Variants in TLN1 observed in about 807,000 individuals in gnomAD.
TLN1 encodes the protein talin 1.
In TLN1, 56 loss-of-function variants were observed where a neutral mutation model predicts 292.3. The ratio of observed to expected loss-of-function variants is 0.19; its 90% CI spans 0.15 to 0.24. TLN1 has a LOEUF of 0.24. Ranked by LOEUF, TLN1 falls within the 10% of genes least tolerant of loss-of-function variation. The pLI, the probability that TLN1 is intolerant of heterozygous loss-of-function variation, is 1.00. For missense variants in TLN1, 2,433 were observed against 3,248.2 expected (o/e 0.75, Z 6.10); for synonymous variants, 1,119 against 1,253.7 (o/e 0.89, Z 2.27).
intron 19 of TLN1, 118 bp from the exon 20 acceptor site, chr9:35,716,674 AAG>A: frequency 9.1e-7 from 1 of 1,094,270 alleles, no homozygotes; most frequent in Non-Finnish European, 1.3e-6. Flanking sequence ...GGGACAGAAA[AAG>A]AGACTGGCAA....
intron 1 of TLN1, among the ~76,000 whole-genome samples, chr9:35,726,763 T>C (rs1201783983): frequency 9.9e-5 from 15 of 152,246 alleles, no homozygotes; most frequent in Admixed American, 9.8e-4. Flanking sequence ...CAAAGGGATC[T>C]ATCTCAGAAG....
rs200282556 is a variant in TLN1, at chr9:35,717,813, C to A, written c.1996-27G>T. ...TGTGAGAAAACAGCAGTTAGCATGA[C>A]CTGAGATTGGGCTTGGGATTCACAG... On this transcript the variant is annotated intron_variant, in intron 17 of 56. Transcript: ENST00000314888. This position sits in a 1 kb window ranked among gnomAD's most constrained non-coding sequence, Gnocchi z 4.7. 30 of 1,583,362 alleles carry A rather than the reference C, an allele frequency of 1.9e-5. No individual in the cohort carries two copies. Among genetic ancestry groups the A allele is most frequent in the Non-Finnish European group, 2.5e-5 (29 of 1,158,244 alleles).
Position 35,707,999 on chromosome 9 carries a change from C to T in TLN1, c.4471-107G>A. ...GATGGAGAGCAATACCCTGAGGAGT[C>T]AAAACAGGAATAACAGAGTCACCTG... On this transcript the variant is annotated intron_variant, in intron 34 of 56. Transcript: ENST00000314888. The surrounding 1 kb of genome is among the most constrained non-coding windows in gnomAD (Gnocchi z 5.6). 7.6e-7 allele frequency: 1 copy of T among 1,310,428 alleles called. No individual in the cohort carries two copies. The highest frequency in any genetic ancestry group is 1.1e-6 in the Non-Finnish European group (1 of 948,948). The allele number at this position is 1,310,428 out of a possible 1,614,324, so 81.2% of individuals were successfully genotyped here. A position where few individuals can be genotyped will look rare whatever the true frequency, so the allele number is the denominator to read the frequency against.
At chr9:35,716,644 C>T (rs1307828753) in intron 19 of TLN1, 88 bp from the exon 20 acceptor site, 1 of 1,431,304 alleles carries the variant, frequency 7.0e-7, no homozygotes, top group Non-Finnish European at 9.5e-7. Context: ...GTGGTGTAGA[C>T]AAGGTAGATG....
rs1825841282 is a variant in TLN1 at position 35,719,284 on chromosome 9, T to G, written c.1688-2A>C. Reference sequence around the variant, plus strand: ...TATAGTCTGTCTCAGCAGGGTCCCCTAAGGGGAAAAGGAGAAAGAGGAACA... The same window carrying G: ...TATAGTCTGTCTCAGCAGGGTCCCCGAAGGGGAAAAGGAGAAAGAGGAACA... On this transcript the variant is annotated splice_acceptor_variant, in intron 15 of 56. Coordinates refer to ENST00000314888, the MANE Select transcript of TLN1 (RefSeq NM_006289.4). LOFTEE classifies it high-confidence loss of function. The surrounding 1 kb of genome is among the most constrained non-coding windows in gnomAD (Gnocchi z 4.6). The G allele has an allele frequency of 6.2e-7, 1 of 1,611,276 alleles. No homozygotes were observed. The highest frequency in any genetic ancestry group is 8.5e-7 in the Non-Finnish European group (1 of 1,178,248).
chr9:35,725,976 G>A (rs991914224), intron 1 of TLN1, among the ~76,000 whole-genome samples: 1 of 151,972 alleles, frequency 6.6e-6, no homozygotes, highest in African/African-American at 2.4e-5. Context: ...ACAGTGGTGC[G>A]ATCTCAGCTC....
chr9:35,713,855 G>A (rs1467805006), intron 25 of TLN1, 98 bp downstream of exon 25: 1 of 1,335,814 alleles, frequency 7.5e-7, no homozygotes, highest in Non-Finnish European at 1.0e-6. Context: ...AGAGAAAAAA[G>A]AAAAAGGAAG....
chr9:35,708,023 T>A, intron 34 of TLN1, 131 bp from the exon 35 acceptor site: 1 of 1,110,016 alleles, frequency 9.0e-7, no homozygotes, highest in Non-Finnish European at 1.3e-6. Context: ...CAGAGTCACC[T>A]GAAAAGTCAA....
intron 19 of TLN1, 140 bp from the exon 20 acceptor site, chr9:35,716,696 C>A (rs922873335): frequency 3.3e-6 from 3 of 910,550 alleles, no homozygotes; most frequent in Non-Finnish European, 4.8e-6. Flanking sequence ...AAAGCTCTTG[C>A]ATCATTTCTT....
In TLN1 at chr9:35,698,944, C is replaced by G. The variant is rs1014192155; in HGVS notation, c.7000-11G>C. 6.2e-7 allele frequency: 1 copy of G among 1,612,862 alleles called. No individual in the cohort carries two copies. Among genetic ancestry groups the G allele is most frequent in the African/African-American group, 1.3e-5 (1 of 74,894 alleles). ...GGACTCATCTGCCTCCTGCAATAAG[C>G]GAAGGTTGCAGAAAGAGATGTAAAG... On this transcript the variant is annotated splice_polypyrimidine_tract_variant and intron_variant, in intron 52 of 56. Coordinates refer to ENST00000314888, the MANE Select transcript of TLN1 (RefSeq NM_006289.4). This position sits in a 1 kb window ranked among gnomAD's most constrained non-coding sequence, Gnocchi z 5.3.
Position 35,717,660 on chromosome 9 carries a change from G to C in TLN1, c.2122C>G (p.Gln708Glu). Residue 708 changes from glutamine to glutamate, a missense_variant, in exon 18 of 57, where the codon CAG (glutamine) becomes GAG (glutamate). Gln to Glu is a conservative substitution (Grantham distance 29). Around this residue, in one of 7 missense-constraint regions of TLN1, gnomAD observed 617 missense variants for 770.6 expected, o/e 0.80. Transcript: ENST00000314888. This position sits in a 1 kb window ranked among gnomAD's most constrained non-coding sequence, Gnocchi z 4.7. ...AGTTGGGAAGTGGATAGGGCACACT[G>C]TGTTGCTGCAGCAATAACTTGGGTC... ...LQTQVIAAAT[Q>E]CALSTSQLVA... 6.2e-7 allele frequency: 1 copy of C among 1,614,156 alleles called. No individual in the cohort carries two copies. Among genetic ancestry groups the C allele is most frequent in the Non-Finnish European group, 8.5e-7 (1 of 1,179,980 alleles).
chr9:35,710,558 A>T lies in TLN1; in HGVS notation c.4326+3T>A, dbSNP rs778334983. 6.2e-7 allele frequency: 1 copy of T among 1,612,106 alleles called. No individual in the cohort carries two copies. The highest frequency in any genetic ancestry group is 8.5e-7 in the Non-Finnish European group (1 of 1,179,184). On this transcript the variant is annotated splice_donor_region_variant and intron_variant, in intron 33 of 56. Coordinates refer to ENST00000314888, the MANE Select transcript of TLN1 (RefSeq NM_006289.4). ...TTCAAAGAACCCATCTCAGGAAAAT[A>T]ACCTGTGCAGCTGCCTCGGTGAAGC...
Position 35,710,642 on chromosome 9 carries a change from C to A in TLN1, c.4245G>T (p.Lys1415Asn), listed in dbSNP as rs773071664. Residue 1415 changes from lysine (K) to asparagine (N), a missense_variant, in exon 33 of 57, where the codon AAG becomes AAT. Transcript: ENST00000314888. ...CTCCAAACTCTGGCAGGTTTCCGTT[C>A]TTGGCATTTTGGGAGATGCCAGTCA... The part of the protein sequence containing the change: ...EAMTGISQNA[K>N]NGNLPEFGDA... The A allele has an allele frequency of 6.2e-7, 1 of 1,614,238 alleles. No homozygotes were observed. The highest frequency in any genetic ancestry group is 1.1e-5 in the South Asian group (1 of 91,090).
In TLN1 at chr9:35,712,742, G is replaced by A; in HGVS notation, c.3561+93C>T. 2.7e-6 allele frequency: 3 copies of A among 1,114,714 alleles called. No individual in the cohort carries two copies. The South Asian group carries it at 4.5e-5, about 17-fold the overall frequency. The allele number at this position is 1,114,714 out of a possible 1,614,324, so 69.1% of individuals were successfully genotyped here. A position where few individuals can be genotyped will look rare whatever the true frequency, so the allele number is the denominator to read the frequency against. On this transcript the variant is annotated intron_variant, in intron 27 of 56. Coordinates refer to ENST00000314888, the MANE Select transcript of TLN1 (RefSeq NM_006289.4). ...GACCCAAGAAGACATCACTCTGTGA[G>A]TGTGGACGAGGCTCAGAAGCTTTGG...
Position 35,714,401 on chromosome 9 carries a change from G to T in TLN1, c.2986-28C>A. On this transcript the variant is annotated intron_variant, in intron 23 of 56. Coordinates refer to ENST00000314888, the MANE Select transcript of TLN1 (RefSeq NM_006289.4). This position sits in a 1 kb window ranked among gnomAD's most constrained non-coding sequence, Gnocchi z 4.6. ...GTTGGGGAATAGGCAGGTGGATGAA[G>T]TGTGCCATCCTCCCTCTGGGCTTGG... 3.8e-6 allele frequency: 6 copies of T among 1,595,168 alleles called. No individual in the cohort carries two copies. The South Asian group carries it at 6.7e-5, about 18-fold the overall frequency.
At chr9:35,713,900 G>A (rs1825726588) in intron 25 of TLN1, 53 bp downstream of exon 25, 8 of 1,608,484 alleles carry the variant, frequency 5.0e-6, no homozygotes, top group Admixed American at 1.7e-5. Flanking sequence ...GGGGCACGGA[G>A]GTGAAGGAAG....
At chr9:35,720,306 G>A in intron 12 of TLN1, 87 bp from the exon 13 acceptor site, 1 of 1,534,714 alleles carries the variant, frequency 6.5e-7, no homozygotes, top group Middle Eastern at 1.7e-4. Flanking sequence ...AGGTGTGTGA[G>A]GTCTCACTAC....
chr9:35,718,922 G>A lies in TLN1; in HGVS notation c.1897-12C>T. ...AGGTTCTGACGGGGCTGTGGAGAGTGAACACCAGTCAGAAGCTGCCCAATC... is the reference window on the plus strand; with the variant it reads ...AGGTTCTGACGGGGCTGTGGAGAGTAAACACCAGTCAGAAGCTGCCCAATC... On this transcript the variant is annotated splice_polypyrimidine_tract_variant and intron_variant, in intron 16 of 56. Transcript: ENST00000314888. 3.1e-6 allele frequency: 5 copies of A among 1,610,128 alleles called. No homozygotes were observed. The highest frequency in any genetic ancestry group is 4.2e-6 in the Non-Finnish European group (5 of 1,178,014).
rs367633649 is a variant in TLN1 at position 35,714,731 on chromosome 9, C to T, written c.2871+29G>A. On this transcript the variant is annotated intron_variant, in intron 22 of 56. Transcript: ENST00000314888. The surrounding 1 kb of genome is among the most constrained non-coding windows in gnomAD (Gnocchi z 4.6). Reference sequence around the variant, plus strand: ...TAAGAGACCCACAAGTCTCCCTCTTCCACTCCCACATCCTTCCTAGAGTCT... The same window carrying T: ...TAAGAGACCCACAAGTCTCCCTCTTTCACTCCCACATCCTTCCTAGAGTCT... 3.1e-6 allele frequency: 5 copies of T among 1,610,788 alleles called. No individual in the cohort carries two copies. The highest frequency in any genetic ancestry group is 1.7e-5 in the Admixed American group (1 of 59,838).
Sources: gnomAD v4.1 joint callset for allele counts (sites outside exome capture counted in the v4.1 genomes callset) on GRCh38, gnomAD v4.1.1 for gene constraint, gnomAD v4.1.1 regional missense constraint, Gnocchi (gnomAD v3.1) non-coding constraint, MANE v1.5 for transcripts, NCBI Gene and HGNC (gene_info 2026-07-23, HGNC 2026-07-21) for gene names.